The following HTD2 variants were observed in gnomAD, a reference collection of about 807,000 sequenced individuals.
HTD2 encodes the protein hydroxyacyl-thioester dehydratase type 2.
A neutral mutation model predicts 3.1 loss-of-function variants in HTD2; 1 was observed. The observed-to-expected ratio is 0.32, with a 90% CI of 0.11 to 1.52. The LOEUF is 1.52. Among genes scored for constraint, HTD2 ranks in the 40% most tolerant of loss-of-function variants. The pLI, the probability that HTD2 is intolerant of heterozygous loss-of-function variation, is 0.39. For missense variants in HTD2, 150 were observed against 79.6 expected, an observed-to-expected ratio of 1.88 and a Z score of -3.36; for synonymous variants, 50 against 28.9, an observed-to-expected ratio of 1.73 and a Z score of -2.34.
Position 58,320,172 on chromosome 3 carries a change from T to C in HTD2, c.*2052T>C, listed in dbSNP as rs2097493046. 6.6e-6 allele frequency: 1 copy of C among 151,028 alleles called. No individual in the cohort carries two copies. The highest frequency in any genetic ancestry group is 2.1e-4 in the South Asian group (1 of 4,836). The allele number at this position is 151,028 out of a possible 1,614,324, so 9.4% of individuals were successfully genotyped here. Reference sequence around the variant, plus strand: ...ATCATTTTATTTTATGGCTGAATAATATTCCATTGTATTTACCCATACATC... The same window carrying C: ...ATCATTTTATTTTATGGCTGAATAACATTCCATTGTATTTACCCATACATC... On this transcript the variant is annotated 3_prime_UTR_variant, in exon 5 of 5. Transcript: ENST00000461393.
rs115265834 is a variant in HTD2, at chr3:58,308,560, G to T, written c.-416+1909G>T. On this transcript the variant is annotated intron_variant, in intron 1 of 4. Coordinates refer to ENST00000461393, the MANE Select transcript of HTD2 (RefSeq NM_001348712.2). ...TTGAGATTACAGGCATGAGCACCAC[G>T]CCAGGCCCCAAAGTATTAATGTTTG... Among the ~76,000 whole-genome samples the T allele has an allele frequency of 6.7e-3, 1,014 of 152,094 alleles. 9 individuals are homozygous for T. Among genetic ancestry groups the T allele is most frequent in the African/African-American group, 0.023 (972 of 41,500 alleles).
rs1575548930 is a variant in HTD2 at position 58,317,699 on chromosome 3, A to G, written c.86A>G (p.Gln29Arg). 6 of 704,348 alleles carry G rather than the reference A, an allele frequency of 8.5e-6. No individual in the cohort carries two copies. In the East Asian group the frequency reaches 1.6e-4, roughly 19 times the overall value. The allele number at this position is 704,348 out of a possible 1,614,324, so 43.6% of individuals were successfully genotyped here. A position where few individuals can be genotyped will look rare whatever the true frequency, so the allele number is the denominator to read the frequency against. ...CTGAACCTGCCAGTGCTGACCCTGC[A>G]GCACTTTCAGCATATGCACATCAAA... ...VCLNLPVLTL[Q>R]HFQHMHIKVG... The change falls in exon 5 of 5, where the codon CAG (glutamine) becomes CGG (arginine). Residue 29 changes from glutamine (Q) to arginine (R), a missense_variant. Transcript: ENST00000461393.
At chr3:58,317,059 C>A in intron 4 of HTD2, 66 bp downstream of exon 4, 2 of 1,130,430 alleles carry the variant, frequency 1.8e-6, no homozygotes, top group Non-Finnish European at 2.6e-6. Context: ...TCTTAATATA[C>A]ACAACTCATT....
In HTD2 at chr3:58,317,876, T is replaced by A. The variant is rs1286651768; in HGVS notation, c.263T>A (p.Ile88Asn). Reference protein sequence around the residue: ...FGNTIVHGVLINGLISALLGT... With the variant: ...FGNTIVHGVLNNGLISALLGT... ...AATACAATTGTACATGGAGTTTTGA[T>A]CAACGGACTTATCTCAGCTCTCCTA... The change falls in exon 5 of 5, where the codon ATC (isoleucine) becomes AAC (asparagine). Residue 88 changes from isoleucine (I) to asparagine (N), a missense_variant. Physicochemically the swap from Ile to Asn is moderately radical, Grantham distance 149 (BLOSUM62 -3). Transcript: ENST00000461393. 2.8e-6 allele frequency: 2 copies of A among 703,030 alleles called. No homozygotes were observed. The highest frequency in any genetic ancestry group is 3.0e-5 in the South Asian group (2 of 67,600). The allele number at this position is 703,030 out of a possible 1,614,324, so 43.5% of individuals were successfully genotyped here.
intron 1 of HTD2, among the ~76,000 whole-genome samples, chr3:58,309,701 C>T (rs937485034): frequency 6.6e-6 from 1 of 151,980 alleles, no homozygotes; most frequent in Admixed American, 6.6e-5. Flanking sequence ...ACCAGCCTGA[C>T]CAATATGGTG....
At chr3:58,307,387 C>T (rs573254701) in intron 1 of HTD2, among the ~76,000 whole-genome samples, 3 of 152,278 alleles carry the variant, frequency 2.0e-5, no homozygotes, top group East Asian at 3.9e-4. Flanking sequence ...AGATTTATTA[C>T]TAATAGGTCA....
At chr3:58,309,021 A>G (rs2097478973) in intron 1 of HTD2, among the ~76,000 whole-genome samples, 1 of 152,246 alleles carries the variant, frequency 6.6e-6, no homozygotes, top group South Asian at 2.1e-4. Context: ...TGCCCCTTCC[A>G]GGAATCCCTC....
chr3:58,306,850 G>T (rs1382833280), intron 1 of HTD2, among the ~76,000 whole-genome samples, 199 bp downstream of exon 1: 2 of 152,148 alleles, frequency 1.3e-5, no homozygotes, highest in Admixed American at 1.3e-4. Flanking sequence ...ACTTTTGTTG[G>T]GGTGGGGAGG....
rs2097488322 is a variant in HTD2 at position 58,316,398 on chromosome 3, A to T, written c.-330-117A>T. 4 of 910,882 alleles carry T rather than the reference A, an allele frequency of 4.4e-6. No homozygotes were observed. In the East Asian group the frequency reaches 7.4e-5, roughly 17 times the overall value. The allele number at this position is 910,882 out of a possible 1,614,324, so 56.4% of individuals were successfully genotyped here. On this transcript the variant is annotated intron_variant, in intron 2 of 4. Coordinates refer to ENST00000461393, the MANE Select transcript of HTD2 (RefSeq NM_001348712.2). ...GGCAACTAAAGTGCCAGCACCATTA[A>T]ATAAAATACTGCTTATGTGGAGGAG...
At chr3:58,311,363 C>T (rs947839324) in intron 2 of HTD2, among the ~76,000 whole-genome samples, 1 of 152,194 alleles carries the variant, frequency 6.6e-6, no homozygotes, top group African/African-American at 2.4e-5. Context: ...TCATGTTGGC[C>T]AGGCTGGTCT....
At position 58,306,526 on chromosome 3, in the gene HTD2, T is replaced by A. The variant is rs755462136; in HGVS notation, c.-541T>A. On this transcript the variant is annotated 5_prime_UTR_variant, in exon 1 of 5. Coordinates refer to ENST00000461393, the MANE Select transcript of HTD2 (RefSeq NM_001348712.2). The stretch of plus-strand genomic sequence containing the variant: ...GGTGCGCCTTGGGTAGCTTGTCCTC[T>A]CCGACCCCGGGCGCTGAGGGCCTCT... 6.6e-6 allele frequency: 1 copy of A among 152,074 alleles called. No individual in the cohort carries two copies. The highest frequency in any genetic ancestry group is 2.4e-5 in the African/African-American group (1 of 41,390). The allele number at this position is 152,074 out of a possible 1,614,324, so 9.4% of individuals were successfully genotyped here.
rs765635205 is a variant in HTD2, at chr3:58,317,001, C to T, written c.-175+8C>T. 1.0e-5 allele frequency: 16 copies of T among 1,604,332 alleles called. No individual in the cohort carries two copies. Among genetic ancestry groups the T allele is most frequent in the Non-Finnish European group, 1.2e-5 (14 of 1,171,514 alleles). The stretch of plus-strand genomic sequence containing the variant: ...GCTTTCCGGGTGATTCAGGTAAAGA[C>T]TATTCCCTCACATATTCCAAACAAG... On this transcript the variant is annotated splice_region_variant and intron_variant, in intron 4 of 4. Coordinates refer to ENST00000461393, the MANE Select transcript of HTD2 (RefSeq NM_001348712.2).
At chr3:58,314,333 A>C (rs947699669) in intron 2 of HTD2, among the ~76,000 whole-genome samples, 2 of 152,214 alleles carry the variant, frequency 1.3e-5, no homozygotes, top group African/African-American at 4.8e-5. Context: ...CCAGGGTGAC[A>C]GAGAGAGACT....
In HTD2 at chr3:58,310,500, T is replaced by A. The variant is rs778241591; in HGVS notation, c.-415-7T>A. ...AATATGACTTTTTTTTTTTTCACTT[T>A]TTTTAGAGAATTTCAAGATTGTGGA... On this transcript the variant is annotated splice_polypyrimidine_tract_variant and splice_region_variant and intron_variant, in intron 1 of 4. Coordinates refer to ENST00000461393, the MANE Select transcript of HTD2 (RefSeq NM_001348712.2). The A allele has an allele frequency of 4.4e-6, 7 of 1,607,658 alleles. No individual in the cohort carries two copies. Among genetic ancestry groups the A allele is most frequent in the Non-Finnish European group, 1.7e-6 (2 of 1,178,106 alleles).
In HTD2 at chr3:58,318,418, G is replaced by C. The variant is rs2097490659; in HGVS notation, c.*298G>C. The C allele has an allele frequency of 4.8e-6, 1 of 206,242 alleles. No homozygotes were observed. The highest frequency in any genetic ancestry group is 2.3e-5 in the African/African-American group (1 of 42,818). 12.8% of individuals were successfully genotyped at this position (206,242 alleles called of 1,614,324 possible). On this transcript the variant is annotated 3_prime_UTR_variant, in exon 5 of 5. Coordinates refer to ENST00000461393, the MANE Select transcript of HTD2 (RefSeq NM_001348712.2). Reference sequence around the variant, plus strand: ...CATGCCTGTAATCCTGGCACTTTGGGAGGCTGCGGCAGGCGGATCACTTGA... The same window carrying C: ...CATGCCTGTAATCCTGGCACTTTGGCAGGCTGCGGCAGGCGGATCACTTGA...
rs1473291907 is a variant in HTD2, at chr3:58,318,854, C to T, written c.*734C>T. The T allele has an allele frequency of 6.6e-6, 1 of 151,960 alleles. No individual in the cohort carries two copies. Among genetic ancestry groups the T allele is most frequent in the South Asian group, 2.1e-4 (1 of 4,816 alleles). The allele number at this position is 151,960 out of a possible 1,614,324, so 9.4% of individuals were successfully genotyped here. On this transcript the variant is annotated 3_prime_UTR_variant, in exon 5 of 5. Coordinates refer to ENST00000461393, the MANE Select transcript of HTD2 (RefSeq NM_001348712.2). The stretch of plus-strand genomic sequence containing the variant: ...TCTCTACTAAAAATACAAAAACTAA[C>T]CGGGCATGGTGGCGGGCACCTGTAA...
intron 2 of HTD2, 105 bp from the exon 3 acceptor site, chr3:58,316,410 C>T: frequency 9.9e-7 from 1 of 1,006,714 alleles, no homozygotes; most frequent in South Asian, 1.3e-5. Flanking sequence ...TAAAATACTG[C>T]TTATGTGGAG....
At chr3:58,309,059 A>G (rs2097479027) in intron 1 of HTD2, among the ~76,000 whole-genome samples, 1 of 152,202 alleles carries the variant, frequency 6.6e-6, no homozygotes, top group Non-Finnish European at 1.5e-5. Flanking sequence ...GTTTAAGCTC[A>G]GTTGTTCACA....
At chr3:58,313,357 T>C (rs117706129) in intron 2 of HTD2, among the ~76,000 whole-genome samples, 2,103 of 152,348 alleles carry the variant, frequency 0.014, 162 homozygotes, top group Admixed American at 0.12. Flanking sequence ...TATTTTGTCA[T>C]AGACCAGCAT....
Sources: gnomAD v4.1 joint callset for allele counts (sites outside exome capture counted in the v4.1 genomes callset) on GRCh38, gnomAD v4.1.1 for gene constraint, MANE v1.5 for transcripts, NCBI Gene and HGNC (gene_info 2026-07-23, HGNC 2026-07-21) for gene names.